PKNOX2: variants seen among roughly 807,000 people sequenced by gnomAD.
PKNOX2 encodes PBX/knotted 1 homeobox 2.
In PKNOX2, 14 loss-of-function variants were observed where a neutral mutation model predicts 53.1. The ratio of observed to expected loss-of-function variants is 0.26; its 90% CI spans 0.17 to 0.41. The LOEUF is 0.41. Among genes scored for constraint, PKNOX2 ranks in the 10% least tolerant of loss-of-function variants. The probability of loss-of-function intolerance (pLI) is 1.00; values close to 1 mark genes in which losing one functional copy is unlikely to be tolerated. For missense variants in PKNOX2, 496 were observed against 602.8 expected (o/e 0.82, Z 1.85); for synonymous variants, 257 against 242.8 (o/e 1.06, Z -0.54).
intron 1 of PKNOX2, among the ~76,000 whole-genome samples, chr11:125,190,456 G>T (rs1042061941): frequency 3.3e-5 from 5 of 152,128 alleles, no homozygotes; most frequent in African/African-American, 1.2e-4. Flanking sequence ...TGCGATCATG[G>T]CCTGATTAAT....
rs528015125 is a variant in PKNOX2 at position 125,216,799 on chromosome 11, A to T, written c.-200-18246A>T. ...CTGGCCAGGTCAGTCAGGGGCTAGT[A>T]ACAGAGCTGGTACCACTGAGGTCAC... is the stretch of plus-strand genomic sequence containing the variant. On this transcript the variant is annotated intron_variant, in intron 1 of 12. Coordinates refer to ENST00000298282, the MANE Select transcript of PKNOX2 (RefSeq NM_001382323.2). Among the ~76,000 whole-genome samples, 4 of 152,164 alleles carry T rather than the reference A, an allele frequency of 2.6e-5. No individual in the cohort carries two copies. In the South Asian group the frequency reaches 8.3e-4, roughly 32 times the overall value.
chr11:125,337,185 C>G (rs1950473044), intron 3 of PKNOX2, among the ~76,000 whole-genome samples: 1 of 152,088 alleles, frequency 6.6e-6, no homozygotes, highest in Non-Finnish European at 1.5e-5. Flanking sequence ...GCAATATATT[C>G]AACCACAGAA....
At chr11:125,186,137 C>T (rs923990033) in intron 1 of PKNOX2, among the ~76,000 whole-genome samples, 4 of 151,858 alleles carry the variant, frequency 2.6e-5, no homozygotes, top group Admixed American at 6.6e-5. Context: ...TTTCATTTTC[C>T]TGATGTCAAG....
intron 1 of PKNOX2, among the ~76,000 whole-genome samples, chr11:125,192,823 G>A (rs370942768): frequency 6.6e-6 from 1 of 152,070 alleles, no homozygotes; most frequent in African/African-American, 2.4e-5. Context: ...CAGCCAGGTC[G>A]AGGGGGCTTG....
At chr11:125,305,483 G>T (rs1210965912) in intron 2 of PKNOX2, among the ~76,000 whole-genome samples, 1 of 152,122 alleles carries the variant, frequency 6.6e-6, no homozygotes, top group African/African-American at 2.4e-5. Context: ...CCCCCTACCT[G>T]CCCCAGGTCA....
chr11:125,413,378 T>C (rs1955680679), intron 10 of PKNOX2, among the ~76,000 whole-genome samples: 1 of 152,182 alleles, frequency 6.6e-6, no homozygotes, highest in Non-Finnish European at 1.5e-5. Context: ...GTTTTCCAAA[T>C]TGCCTGAGAG....
At chr11:125,292,641 G>C (rs553750004) in intron 2 of PKNOX2, among the ~76,000 whole-genome samples, 2 of 152,322 alleles carry the variant, frequency 1.3e-5, no homozygotes, top group East Asian at 3.9e-4. Context: ...GAACGGAGCA[G>C]GTCTAGCCAT....
At chr11:125,356,042 C>A (rs919101410) in intron 4 of PKNOX2, among the ~76,000 whole-genome samples, 3 of 134,580 alleles carry the variant, frequency 2.2e-5, no homozygotes, top group South Asian at 2.8e-4. Flanking sequence ...CCCCCCCCCA[C>A]AACTTTTCCT....
chr11:125,309,938 A>G (rs1339933843), intron 2 of PKNOX2, among the ~76,000 whole-genome samples: 2 of 152,192 alleles, frequency 1.3e-5, no homozygotes, highest in African/African-American at 2.4e-5. Context: ...CTACTGACCA[A>G]CATTGATTGG....
At chr11:125,250,648 C>T (rs572967022) in intron 2 of PKNOX2, among the ~76,000 whole-genome samples, 1 of 152,330 alleles carries the variant, frequency 6.6e-6, no homozygotes, top group African/African-American at 2.4e-5. Context: ...TAGGCTGAGT[C>T]ACTAGGCTTA....
intron 1 of PKNOX2, among the ~76,000 whole-genome samples, chr11:125,220,150 A>G (rs913771635): frequency 6.6e-6 from 1 of 152,090 alleles, no homozygotes; most frequent in Non-Finnish European, 1.5e-5. Flanking sequence ...CACCAAGTTT[A>G]AAAAAAAGTG....
intron 1 of PKNOX2, among the ~76,000 whole-genome samples, chr11:125,175,375 C>A (rs967479561): frequency 6.6e-6 from 1 of 152,206 alleles, no homozygotes; most frequent in Non-Finnish European, 1.5e-5. Flanking sequence ...TCTGGTGGCC[C>A]TGACCTGGCC....
chr11:125,282,515 A>G lies in PKNOX2; in HGVS notation c.-130+47400A>G, dbSNP rs554467979. 2.3e-3 allele frequency among the ~76,000 whole-genome samples: 348 copies of G among 152,288 alleles called. 1 individual carries two copies. The highest frequency in any genetic ancestry group is 9.1e-3 in the South Asian group (44 of 4,816). On this transcript the variant is annotated intron_variant, in intron 2 of 12. Transcript: ENST00000298282. ...CCCTCCCTCTGGGGTTTCTGATTCA[A>G]TAGGTCTGAAACAGAGCCTTGGAAT...
At chr11:125,253,612 G>A (rs527484687) in intron 2 of PKNOX2, among the ~76,000 whole-genome samples, 6 of 152,248 alleles carry the variant, frequency 3.9e-5, no homozygotes, top group African/African-American at 1.2e-4. Context: ...CTGATTTGTC[G>A]TGATTCCTTG....
intron 2 of PKNOX2, among the ~76,000 whole-genome samples, chr11:125,261,916 G>A (rs980919491): frequency 2.0e-5 from 3 of 152,224 alleles, no homozygotes; most frequent in Non-Finnish European, 4.4e-5. Flanking sequence ...GGCACATTCC[G>A]AACTGTTCCC....
chr11:125,221,310 T>G (rs1591485660), intron 1 of PKNOX2, among the ~76,000 whole-genome samples: 1 of 150,584 alleles, frequency 6.6e-6, no homozygotes, highest in Admixed American at 6.6e-5. Context: ...GTGGGAGAGG[T>G]GGATGGGAAA....
rs75345603 is a variant in PKNOX2 at position 125,313,755 on chromosome 11, A to C, written c.-129-18064A>C. Among the ~76,000 whole-genome samples, 460 of 152,322 alleles carry C rather than the reference A, an allele frequency of 3.0e-3. 3 individuals carry two copies. The highest frequency in any genetic ancestry group is 8.3e-3 in the African/African-American group (343 of 41,562). The stretch of plus-strand genomic sequence containing the variant: ...CGTGTATCTATTCAAATAAAAATAA[A>C]AATGAAATGAAATTAAACATTCAGT... On this transcript the variant is annotated intron_variant, in intron 2 of 12. Coordinates refer to ENST00000298282, the MANE Select transcript of PKNOX2 (RefSeq NM_001382323.2).
intron 2 of PKNOX2, among the ~76,000 whole-genome samples, chr11:125,265,298 A>G (rs1222270577): frequency 6.6e-6 from 1 of 152,006 alleles, no homozygotes; most frequent in African/African-American, 2.4e-5. Flanking sequence ...AAAAAAAAAA[A>G]AGTTACAGGG....
In PKNOX2 at chr11:125,248,621, TAA is replaced by T. The variant is rs200641377; in HGVS notation, c.-130+13507_-130+13508del. Among the ~76,000 whole-genome samples, 1,307 of 149,386 alleles carry T rather than the reference TAA, an allele frequency of 8.7e-3. 29 individuals carry two copies. The highest frequency in any genetic ancestry group is 0.03 in the African/African-American group (1,236 of 40,920). On this transcript the variant is annotated intron_variant, in intron 2 of 12. Coordinates refer to ENST00000298282, the MANE Select transcript of PKNOX2 (RefSeq NM_001382323.2). ...ATAGATGTATTATATATAAGATATA[TAA>T]GACATATATACAACACATACACATA... is the stretch of plus-strand genomic sequence containing the variant.
Sources: gnomAD v4.1 joint callset for allele counts (sites outside exome capture counted in the v4.1 genomes callset) on GRCh38, gnomAD v4.1.1 for gene constraint, MANE v1.5 for transcripts, NCBI Gene and HGNC (gene_info 2026-07-23, HGNC 2026-07-21) for gene names.